Variants in ZSWIM5 observed in about 807,000 individuals in gnomAD.
ZSWIM5 encodes the protein zinc finger SWIM-type containing 5, also known as zinc finger SWIM domain-containing protein 5.
ZSWIM5 carries 55 observed loss-of-function variants against 119.6 expected under a neutral mutation model. The observed-to-expected ratio is 0.46, with a 90% CI of 0.37 to 0.58. ZSWIM5 has a LOEUF of 0.58. ZSWIM5 is among the 20% of genes least tolerant of loss of function. ZSWIM5 has a pLI of 0.00. For synonymous variants in ZSWIM5, 537 were observed against 606.9 expected (o/e 0.88, Z 1.69); for missense variants, 1,193 against 1,512.8 (o/e 0.79, Z 3.51).
intron 4 of ZSWIM5, among the ~76,000 whole-genome samples, chr1:45,055,787 C>T (rs1302556254): frequency 6.6e-6 from 1 of 152,156 alleles, no homozygotes; most frequent in Admixed American, 6.5e-5. Flanking sequence ...ACCAGGAACA[C>T]AGTGGGGAAA....
intron 11 of ZSWIM5, among the ~76,000 whole-genome samples, chr1:45,024,197 T>C (rs1644906548): frequency 6.7e-6 from 1 of 148,840 alleles, no homozygotes; most frequent in East Asian, 2.0e-4. Context: ...CTTTTCTTTT[T>C]TTTTTTTTTT....
Position 45,018,609 on chromosome 1 carries a change from A to C in ZSWIM5, c.3403T>G (p.Tyr1135Asp), listed in dbSNP as rs369895348. Residue 1135 changes from tyrosine (Y) to aspartate (D), a missense_variant, in exon 14 of 14, where the codon TAT becomes GAT. By Grantham distance (160) the Tyr-to-Asp change is radical. Around this residue, in one of 2 missense-constraint regions of ZSWIM5, gnomAD observed 961 missense variants for 1,290.0 expected, o/e 0.74. Coordinates refer to ENST00000359600, the MANE Select transcript of ZSWIM5 (RefSeq NM_020883.2). This position sits in a 1 kb window ranked among gnomAD's most constrained non-coding sequence, Gnocchi z 6.7. ...SRLTHISPRHYGEFIEFLSKA... is the reference protein window; with the variant it reads ...SRLTHISPRHDGEFIEFLSKA... Reference sequence around the variant, plus strand: ...CTTAGAAACTCAATGAACTCTCCATAGTGGCGAGGGCTGATGTGTGTTAGG... The same window carrying C: ...CTTAGAAACTCAATGAACTCTCCATCGTGGCGAGGGCTGATGTGTGTTAGG... The C allele has an allele frequency of 1.2e-6, 2 of 1,614,194 alleles. No homozygotes were observed. The highest frequency in any genetic ancestry group is 1.7e-6 in the Non-Finnish European group (2 of 1,180,032).
chr1:45,150,065 G>A (rs939686352), intron 1 of ZSWIM5, among the ~76,000 whole-genome samples: 1 of 151,292 alleles, frequency 6.6e-6, no homozygotes, highest in Non-Finnish European at 1.5e-5. Context: ...AGCTACTCAG[G>A]AGGCTAAGGC....
chr1:45,109,968 G>A (rs994580247), intron 1 of ZSWIM5, among the ~76,000 whole-genome samples: 2 of 151,922 alleles, frequency 1.3e-5, no homozygotes, highest in Admixed American at 6.6e-5. Context: ...AAGCTCAAGC[G>A]ATCCTCCCGC....
intron 4 of ZSWIM5, among the ~76,000 whole-genome samples, chr1:45,052,123 GC>G (rs964409763): frequency 4.4e-4 from 65 of 149,200 alleles, no homozygotes; most frequent in African/African-American, 1.5e-3. Context: ...CAGCCTCAGC[GC>G]CCCCCCTCGC....
At position 45,018,930 on chromosome 1, in the gene ZSWIM5, T is replaced by C; in HGVS notation, c.3082A>G (p.Asn1028Asp). The change falls in exon 14 of 14, where the codon AAC becomes GAC. Residue 1028 changes from asparagine to aspartate, a missense_variant. Asn to Asp is a conservative substitution (Grantham distance 23). Around this residue, in one of 2 missense-constraint regions of ZSWIM5, gnomAD observed 961 missense variants for 1,290.0 expected, o/e 0.74. Transcript: ENST00000359600. The surrounding 1 kb of genome is among the most constrained non-coding windows in gnomAD (Gnocchi z 6.7). ...TGAGTATCCTGGTTGTAGGCCAGGT[T>C]AAGATGGCTCATGGCCAATGAGGCC... ...KLASLAMSHL[N>D]LAYNQDTHPA... The C allele has an allele frequency of 1.2e-6, 2 of 1,614,186 alleles. No homozygotes were observed. The highest frequency in any genetic ancestry group is 1.7e-6 in the Non-Finnish European group (2 of 1,180,026).
chr1:45,018,309 T>G lies in ZSWIM5; in HGVS notation c.*145A>C. Reference sequence around the variant, plus strand: ...AGGCATTATCGACTAGAGCTGGACTTTCCCCATCCTTAGCCCTGTGGTCCT... The same window carrying G: ...AGGCATTATCGACTAGAGCTGGACTGTCCCCATCCTTAGCCCTGTGGTCCT... On this transcript the variant is annotated 3_prime_UTR_variant, in exon 14 of 14. Coordinates refer to ENST00000359600, the MANE Select transcript of ZSWIM5 (RefSeq NM_020883.2). This position sits in a 1 kb window ranked among gnomAD's most constrained non-coding sequence, Gnocchi z 6.7. The G allele has an allele frequency of 4.0e-6, 4 of 1,008,202 alleles. No individual in the cohort carries two copies. The highest frequency in any genetic ancestry group is 5.7e-6 in the Non-Finnish European group (4 of 700,218). The allele number at this position is 1,008,202 out of a possible 1,614,324, so 62.5% of individuals were successfully genotyped here. A position where few individuals can be genotyped will look rare whatever the true frequency, so the allele number is the denominator to read the frequency against.
intron 2 of ZSWIM5, chr1:45,070,292 T>TTA (rs2149004416): frequency 6.9e-7 from 1 of 1,455,900 alleles, no homozygotes; most frequent in Non-Finnish European, 9.6e-7. Flanking sequence ...AAATTATTCC[T>TTA]CTGGTGATGA....
intron 1 of ZSWIM5, among the ~76,000 whole-genome samples, chr1:45,185,951 C>T (rs549545465): frequency 1.1e-3 from 175 of 152,206 alleles, no homozygotes; most frequent in African/African-American, 3.8e-3. Context: ...CACATGCACA[C>T]GTATGTTTAT....
chr1:45,118,789 G>A (rs563122663), intron 1 of ZSWIM5, among the ~76,000 whole-genome samples: 1 of 151,290 alleles, frequency 6.6e-6, no homozygotes, highest in Non-Finnish European at 1.5e-5. Context: ...TATTTTATTG[G>A]ACGAATTAAT....
intron 1 of ZSWIM5, among the ~76,000 whole-genome samples, chr1:45,123,049 G>A (rs1645602786): frequency 6.6e-6 from 1 of 152,172 alleles, no homozygotes; most frequent in Admixed American, 6.5e-5. Context: ...TCTAAGCATG[G>A]AGGGGCCTGA....
chr1:45,078,550 T>C (rs1343672713), intron 2 of ZSWIM5, among the ~76,000 whole-genome samples: 1 of 152,206 alleles, frequency 6.6e-6, no homozygotes, highest in Non-Finnish European at 1.5e-5. Flanking sequence ...TGTTCTGAGC[T>C]ACCTGGAGCT....
At chr1:45,164,288 C>A (rs1645885740) in intron 1 of ZSWIM5, among the ~76,000 whole-genome samples, 1 of 152,098 alleles carries the variant, frequency 6.6e-6, no homozygotes, top group Non-Finnish European at 1.5e-5. Context: ...TTTGTCACCA[C>A]CAGGCCTGCC....
At chr1:45,034,525 AC>A in intron 10 of ZSWIM5, 56 bp from the exon 11 acceptor site, 4 of 1,531,686 alleles carry the variant, frequency 2.6e-6, no homozygotes, top group Non-Finnish European at 3.5e-6. Context: ...CTTCCGAGCC[AC>A]CTTAGAGAAG....
chr1:45,155,615 T>C (rs1335524290), intron 1 of ZSWIM5, among the ~76,000 whole-genome samples: 1 of 152,106 alleles, frequency 6.6e-6, no homozygotes, highest in East Asian at 1.9e-4. Context: ...ACTGCAAAAA[T>C]GTGGAACCAG....
intron 4 of ZSWIM5, among the ~76,000 whole-genome samples, chr1:45,053,380 G>C (rs528146015): frequency 1.3e-5 from 2 of 152,216 alleles, no homozygotes; most frequent in South Asian, 4.1e-4. Flanking sequence ...AAACAGATTA[G>C]GTGAGATGAG....
At chr1:45,135,534 G>T (rs999912015) in intron 1 of ZSWIM5, among the ~76,000 whole-genome samples, 1 of 152,080 alleles carries the variant, frequency 6.6e-6, no homozygotes, top group African/African-American at 2.4e-5. Context: ...TATGCTTATG[G>T]AATGTCTTAA....
rs567819835 is a variant in ZSWIM5 at position 45,167,842 on chromosome 1, G to A, written c.595+37914C>T. 1.4e-4 allele frequency among the ~76,000 whole-genome samples: 21 copies of A among 152,286 alleles called. No homozygotes were observed. In the South Asian group the frequency reaches 3.7e-3, roughly 27 times the overall value. On this transcript the variant is annotated intron_variant, in intron 1 of 13. Coordinates refer to ENST00000359600, the MANE Select transcript of ZSWIM5 (RefSeq NM_020883.2). ...GGAAACAACAGGTGCTGGAGAGGAT[G>A]TGGAGAAACAGGAACACTTTTCCAC... is the stretch of plus-strand genomic sequence containing the variant.
chr1:45,019,920 C>T lies in ZSWIM5; in HGVS notation c.2695+146G>A. The T allele has an allele frequency of 5.8e-6, 4 of 691,830 alleles. No homozygotes were observed. The highest frequency in any genetic ancestry group is 7.4e-6 in the Non-Finnish European group (3 of 406,854). The allele number at this position is 691,830 out of a possible 1,614,324, so 42.9% of individuals were successfully genotyped here. A position where few individuals can be genotyped will look rare whatever the true frequency, so the allele number is the denominator to read the frequency against. On this transcript the variant is annotated intron_variant, in intron 13 of 13. Transcript: ENST00000359600. The surrounding 1 kb of genome is among the most constrained non-coding windows in gnomAD (Gnocchi z 5.0). ...CTGAACAGAGGCCACCTTCTCCTAC[C>T]AGCAGCCCCATCCTTTCTTAGGCCA... is the stretch of plus-strand genomic sequence containing the variant.
Sources: gnomAD v4.1 joint callset for allele counts (sites outside exome capture counted in the v4.1 genomes callset) on GRCh38, gnomAD v4.1.1 for gene constraint, gnomAD v4.1.1 regional missense constraint, Gnocchi (gnomAD v3.1) non-coding constraint, MANE v1.5 for transcripts, NCBI Gene and HGNC (gene_info 2026-07-23, HGNC 2026-07-21) for gene names.